The following CACNA1D variants were observed in gnomAD, a reference collection of about 807,000 sequenced individuals.
CACNA1D encodes voltage-dependent L-type calcium channel subunit alpha-1D.
In CACNA1D, 55 loss-of-function variants were observed where a neutral mutation model predicts 257.1. The observed-to-expected ratio is 0.21, with a 90% CI of 0.17 to 0.27. The LOEUF is 0.27. CACNA1D is among the 10% of genes least tolerant of loss of function. The pLI, the probability that CACNA1D is intolerant of heterozygous loss-of-function variation, is 1.00. For synonymous variants in CACNA1D, 980 were observed against 1,014.9 expected, an observed-to-expected ratio of 0.97 and a Z score of 0.65; for missense variants, 1,876 against 2,784.0, an observed-to-expected ratio of 0.67 and a Z score of 7.34.
intron 21 of CACNA1D, among the ~76,000 whole-genome samples, chr3:53,741,255 G>T (rs890423179): frequency 6.6e-6 from 1 of 152,174 alleles, no homozygotes; most frequent in Non-Finnish European, 1.5e-5. Context: ...AACTGTCAGG[G>T]CAACCATCTC....
intron 3 of CACNA1D, among the ~76,000 whole-genome samples, chr3:53,529,151 A>G (rs1452188518): frequency 6.6e-6 from 1 of 152,196 alleles, no homozygotes; most frequent in Admixed American, 6.5e-5. Flanking sequence ...GAGGTTCTGC[A>G]TAGGTGTCCT....
intron 4 of CACNA1D, among the ~76,000 whole-genome samples, chr3:53,659,380 A>C (rs2094181100): frequency 6.6e-6 from 1 of 152,170 alleles, no homozygotes; most frequent in Non-Finnish European, 1.5e-5. Context: ...ACATCCTCCA[A>C]ATATCCCTAT....
Position 53,673,578 on chromosome 3 carries a change from GGGAA to G in CACNA1D, c.1220+456_1220+459del. On this transcript the variant is annotated intron_variant, in intron 8 of 47. Coordinates refer to ENST00000350061, the MANE Select transcript of CACNA1D (RefSeq NM_001128840.3). This position sits in a 1 kb window ranked among gnomAD's most constrained non-coding sequence, Gnocchi z 4.1. ...TTATTTGCAGAAAAAAAAAAAAAAA[GGGAA>G]GGACCTAGGCCCAGTCCCTGTCCTA... 1 of 657,796 alleles carries G rather than the reference GGGAA, an allele frequency of 1.5e-6. No homozygotes were observed. Among genetic ancestry groups the G allele is most frequent in the Non-Finnish European group, 2.7e-6 (1 of 366,266 alleles). The allele number at this position is 657,796 out of a possible 1,614,324, so 40.7% of individuals were successfully genotyped here.
intron 3 of CACNA1D, among the ~76,000 whole-genome samples, chr3:53,545,153 G>A (rs2092384638): frequency 6.6e-6 from 1 of 152,212 alleles, no homozygotes; most frequent in South Asian, 2.1e-4. Context: ...GAGATGCTGG[G>A]TGGTTCTAAA....
intron 3 of CACNA1D, among the ~76,000 whole-genome samples, chr3:53,646,138 G>A (rs1273369078): frequency 6.6e-6 from 1 of 152,206 alleles, no homozygotes; most frequent in Non-Finnish European, 1.5e-5. Flanking sequence ...GCATGTGTGG[G>A]AGGGAGCAGG....
intron 11 of CACNA1D, among the ~76,000 whole-genome samples, chr3:53,721,890 A>G (rs570900331): frequency 3.2e-4 from 49 of 152,176 alleles, no homozygotes; most frequent in Admixed American, 5.9e-4. Context: ...AGATGTGTAT[A>G]ATAAGCGAAG....
intron 4 of CACNA1D, among the ~76,000 whole-genome samples, chr3:53,655,380 G>C (rs1231273824): frequency 1.3e-5 from 2 of 152,248 alleles, no homozygotes; most frequent in Admixed American, 1.3e-4. Flanking sequence ...TTAGCTCTTT[G>C]AGGAATTGAT....
chr3:53,561,930 A>G (rs1055134382), intron 3 of CACNA1D, among the ~76,000 whole-genome samples: 4 of 152,110 alleles, frequency 2.6e-5, no homozygotes, highest in Non-Finnish European at 4.4e-5. Flanking sequence ...AGTTGATTTG[A>G]TATTCTCTGA....
intron 3 of CACNA1D, among the ~76,000 whole-genome samples, chr3:53,506,895 TGA>T (rs2090869271): frequency 6.6e-6 from 1 of 152,112 alleles, no homozygotes; most frequent in African/African-American, 2.4e-5. Context: ...GATGGATGTG[TGA>T]CTGTCACCTT....
At chr3:53,772,566 G>C (rs1236995890) in intron 32 of CACNA1D, among the ~76,000 whole-genome samples, 4 of 152,228 alleles carry the variant, frequency 2.6e-5, no homozygotes, top group Non-Finnish European at 5.9e-5. Flanking sequence ...AAAATGTTTA[G>C]GGTTAGGCTA....
At chr3:53,791,612 C>T (rs1183632238) in intron 40 of CACNA1D, 1 of 152,598 alleles carries the variant, frequency 6.6e-6, no homozygotes. Context: ...AGACCCAGTC[C>T]AGAATACAGT....
At position 53,666,326 on chromosome 3, in the gene CACNA1D, G is replaced by C. The variant is rs199688715; in HGVS notation, c.920-13G>C. On this transcript the variant is annotated splice_polypyrimidine_tract_variant and intron_variant, in intron 6 of 47. Coordinates refer to ENST00000350061, the MANE Select transcript of CACNA1D (RefSeq NM_001128840.3). ...CTGTCCTGAGCGGTACAGCCTGTTT[G>C]CTCTGTTTGCAGATATCGTAGCTGA... 340 of 1,612,516 alleles carry C rather than the reference G, an allele frequency of 2.1e-4. No individual in the cohort carries two copies. The African/African-American group carries it at 4.1e-3, about 19-fold the overall frequency.
At chr3:53,777,861 A>C (rs1397639759) in intron 37 of CACNA1D, among the ~76,000 whole-genome samples, 1 of 152,246 alleles carries the variant, frequency 6.6e-6, no homozygotes. Context: ...TTGCAGCGAC[A>C]AAAAAGATTT....
At chr3:53,804,523 G>A (rs1037157123) in intron 44 of CACNA1D, among the ~76,000 whole-genome samples, 1 of 152,212 alleles carries the variant, frequency 6.6e-6, no homozygotes, top group Middle Eastern at 3.4e-3. Flanking sequence ...CTCACGAACC[G>A]CATGAGTTCC....
chr3:53,780,197 C>G, intron 38 of CACNA1D, 69 bp downstream of exon 38: 1 of 1,251,342 alleles, frequency 8.0e-7, no homozygotes, highest in Non-Finnish European at 1.2e-6. Flanking sequence ...ATCTTGCCTT[C>G]CTCATCTGGG....
At chr3:53,544,802 G>C (rs1287303115) in intron 3 of CACNA1D, among the ~76,000 whole-genome samples, 1 of 152,194 alleles carries the variant, frequency 6.6e-6, no homozygotes, top group Admixed American at 6.5e-5. Flanking sequence ...TACAGACTTG[G>C]GTTTGAATCT....
intron 3 of CACNA1D, among the ~76,000 whole-genome samples, chr3:53,505,360 C>T (rs1575693789): frequency 6.6e-6 from 1 of 152,072 alleles, no homozygotes; most frequent in Admixed American, 6.5e-5. Context: ...CTGCCCGCCT[C>T]GGCCTCCCAA....
At chr3:53,532,692 G>GT (rs2091987554) in intron 3 of CACNA1D, among the ~76,000 whole-genome samples, 1 of 152,080 alleles carries the variant, frequency 6.6e-6, no homozygotes, top group Non-Finnish European at 1.5e-5. Context: ...TTTTTGATGC[G>GT]TTTTTTCAAA....
At chr3:53,619,858 C>T (rs766252041) in intron 3 of CACNA1D, among the ~76,000 whole-genome samples, 5 of 152,186 alleles carry the variant, frequency 3.3e-5, no homozygotes, top group Admixed American at 6.5e-5. Flanking sequence ...AGGACACATG[C>T]GTCTTTATTG....
Sources: gnomAD v4.1 joint callset for allele counts (sites outside exome capture counted in the v4.1 genomes callset) on GRCh38, gnomAD v4.1.1 for gene constraint, Gnocchi (gnomAD v3.1) non-coding constraint, MANE v1.5 for transcripts, NCBI Gene and HGNC (gene_info 2026-07-23, HGNC 2026-07-21) for gene names.